TMOD3: variants seen among roughly 807,000 people sequenced by gnomAD.
TMOD3 encodes the protein tropomodulin-3.
Under a neutral mutation model 39.2 loss-of-function variants are expected in TMOD3, and 20 were observed. That is an observed-to-expected ratio of 0.51 (90% CI 0.36 to 0.74). TMOD3 has a LOEUF of 0.74. TMOD3 is among the 30% of genes least tolerant of loss of function. The pLI, the probability that TMOD3 is intolerant of heterozygous loss-of-function variation, is 0.00. For synonymous variants in TMOD3, 143 were observed against 145.8 expected, an observed-to-expected ratio of 0.98 and a Z score of 0.14; for missense variants, 381 against 412.8, an observed-to-expected ratio of 0.92 and a Z score of 0.67.
intron 9 of TMOD3, among the ~76,000 whole-genome samples, chr15:51,902,724 A>G (rs529869606): frequency 1.5e-5 from 2 of 137,178 alleles, no homozygotes; most frequent in South Asian, 4.5e-4. Context: ...ATCTCGGCTC[A>G]CTGCAAGCTC....
intron 7 of TMOD3, among the ~76,000 whole-genome samples, chr15:51,898,848 A>G (rs1399606998): frequency 6.8e-6 from 1 of 147,518 alleles, no homozygotes. Context: ...CTCTCTTCCT[A>G]CCTCTGTCTC....
At chr15:51,862,615 C>CT (rs1756374042) in intron 1 of TMOD3, among the ~76,000 whole-genome samples, 196 bp from the exon 2 acceptor site, 1 of 151,936 alleles carries the variant, frequency 6.6e-6, no homozygotes, top group Admixed American at 6.6e-5. Flanking sequence ...TCTTTTCCCT[C>CT]TTTTTTCCTG....
chr15:51,907,734 C>T (rs2056689390), intron 9 of TMOD3, among the ~76,000 whole-genome samples: 1 of 152,190 alleles, frequency 6.6e-6, no homozygotes, highest in African/African-American at 2.4e-5. Flanking sequence ...ATTGGTGGCC[C>T]TCAGTGAATG....
At chr15:51,875,085 T>C (rs937531590) in intron 3 of TMOD3, 2 of 152,204 alleles carry the variant, frequency 1.3e-5, no homozygotes, top group Admixed American at 1.3e-4. Context: ...GTCCAAGTTA[T>C]TTATTCACAG....
Position 51,829,662 on chromosome 15 carries a change from AC to A in TMOD3, c.-246del, listed in dbSNP as rs1400481563. ...CACGCGCGTCGGAGGCGAAGGAGGA[AC>A]CCACCGCACCTACAGGGCGGTCGAG... On this transcript the variant is annotated 5_prime_UTR_variant, in exon 1 of 10. Coordinates refer to ENST00000308580, the MANE Select transcript of TMOD3 (RefSeq NM_014547.5). The A allele has an allele frequency of 6.6e-6, 1 of 152,248 alleles. No homozygotes were observed. Among genetic ancestry groups the A allele is most frequent in the Non-Finnish European group, 1.5e-5 (1 of 68,074 alleles). The allele number at this position is 152,248 out of a possible 1,614,324, so 9.4% of individuals were successfully genotyped here.
intron 2 of TMOD3, among the ~76,000 whole-genome samples, chr15:51,866,860 G>A (rs1472578577): frequency 6.6e-6 from 1 of 152,140 alleles, no homozygotes; most frequent in Non-Finnish European, 1.5e-5. Context: ...GTAGGAATAG[G>A]AGCAGTTTGA....
At chr15:51,840,214 C>T (rs946688813) in intron 1 of TMOD3, among the ~76,000 whole-genome samples, 2 of 152,134 alleles carry the variant, frequency 1.3e-5, no homozygotes, top group Non-Finnish European at 2.9e-5. Flanking sequence ...CTATTGTTTT[C>T]TTTGTGTACA....
chr15:51,836,731 AAAAAAG>A (rs1360539717), intron 1 of TMOD3, among the ~76,000 whole-genome samples: 19 of 49,840 alleles, frequency 3.8e-4, no homozygotes, highest in Non-Finnish European at 7.6e-4. Flanking sequence ...CTCAAAAAAA[AAAAAAG>A]AAAAAAGAAA....
chr15:51,889,987 A>G (rs2056583984), intron 5 of TMOD3, among the ~76,000 whole-genome samples: 1 of 152,160 alleles, frequency 6.6e-6, no homozygotes, highest in Non-Finnish European at 1.5e-5. Context: ...TCCAGCCATC[A>G]TGCCCTCTAC....
At chr15:51,859,427 A>G in intron 1 of TMOD3, 1 of 670,126 alleles carries the variant, frequency 1.5e-6, no homozygotes, top group Non-Finnish European at 2.9e-6. Context: ...TGCTGTTTTC[A>G]AACTGAATCA....
At chr15:51,871,317 G>A (rs2056473658) in intron 3 of TMOD3, among the ~76,000 whole-genome samples, 1 of 152,150 alleles carries the variant, frequency 6.6e-6, no homozygotes, top group Non-Finnish European at 1.5e-5. Flanking sequence ...TCTCTGTGCA[G>A]CCATACGTAT....
At position 51,912,409 on chromosome 15, in the gene TMOD3, A is replaced by G. The variant is rs1238130694; in HGVS notation, c.*3599A>G. 2.0e-5 allele frequency: 3 copies of G among 150,638 alleles called. No homozygotes were observed. 9.3% of individuals were successfully genotyped at this position (150,638 alleles called of 1,614,324 possible). A position where few individuals can be genotyped will look rare whatever the true frequency, so the allele number is the denominator to read the frequency against. ...GCCATTGCACTCCAGCATGGGCAAC[A>G]AGAGTGAAACTCCGTCTCAAAAAAA... On this transcript the variant is annotated 3_prime_UTR_variant, in exon 10 of 10. Coordinates refer to ENST00000308580, the MANE Select transcript of TMOD3 (RefSeq NM_014547.5).
intron 1 of TMOD3, among the ~76,000 whole-genome samples, chr15:51,862,453 T>C (rs1566857159): frequency 6.6e-6 from 1 of 152,236 alleles, no homozygotes; most frequent in East Asian, 1.9e-4. Context: ...AAACATATTG[T>C]GCTGAAGCAA....
chr15:51,888,046 T>G (rs1221723471), intron 4 of TMOD3, among the ~76,000 whole-genome samples: 2 of 152,200 alleles, frequency 1.3e-5, no homozygotes, highest in East Asian at 3.8e-4. Context: ...AAAAGAGTCT[T>G]CAGGGTCAAC....
chr15:51,852,824 A>G (rs79377770), intron 1 of TMOD3, among the ~76,000 whole-genome samples: 1,976 of 152,342 alleles, frequency 0.013, 23 homozygotes, highest in Non-Finnish European at 0.021. Context: ...CTGCTCTTCA[A>G]GAGCTTTACA....
chr15:51,867,708 T>G (rs551929747), intron 2 of TMOD3, among the ~76,000 whole-genome samples: 10 of 152,348 alleles, frequency 6.6e-5, no homozygotes, highest in Admixed American at 5.2e-4. Flanking sequence ...AAAAGAGAGC[T>G]GGCCCTTTTG....
At chr15:51,856,031 G>C (rs1304043493) in intron 1 of TMOD3, among the ~76,000 whole-genome samples, 2 of 152,240 alleles carry the variant, frequency 1.3e-5, no homozygotes, top group African/African-American at 2.4e-5. Flanking sequence ...AGGAGGTCGA[G>C]GCAGACAGAT....
chr15:51,871,596 T>G (rs2056475060), intron 3 of TMOD3, among the ~76,000 whole-genome samples: 1 of 152,186 alleles, frequency 6.6e-6, no homozygotes, highest in Non-Finnish European at 1.5e-5. Flanking sequence ...AGCTTCCTAA[T>G]ATGCCCTTGT....
At chr15:51,903,179 A>G (rs1342596538) in intron 9 of TMOD3, among the ~76,000 whole-genome samples, 3 of 152,222 alleles carry the variant, frequency 2.0e-5, no homozygotes, top group Non-Finnish European at 2.9e-5. Flanking sequence ...CATCTAGGTC[A>G]GTAATCTCTC....
Sources: gnomAD v4.1 joint callset for allele counts (sites outside exome capture counted in the v4.1 genomes callset) on GRCh38, gnomAD v4.1.1 for gene constraint, MANE v1.5 for transcripts, NCBI Gene and HGNC (gene_info 2026-07-23, HGNC 2026-07-21) for gene names.